The following PON2 variants were observed in gnomAD, a reference collection of about 807,000 sequenced individuals.
PON2 encodes serum paraoxonase/arylesterase 2.
Under a neutral mutation model 36.6 loss-of-function variants are expected in PON2, and 27 were observed. The ratio of observed to expected loss-of-function variants is 0.74; its 90% CI spans 0.54 to 1.02. The LOEUF is 1.02. Ranked by LOEUF, PON2 falls within the 50% of genes least tolerant of loss-of-function variation. PON2 has a pLI of 0.00. For synonymous variants in PON2, 149 were observed against 156.3 expected, an observed-to-expected ratio of 0.95 and a Z score of 0.35; for missense variants, 363 against 421.1, an observed-to-expected ratio of 0.86 and a Z score of 1.21.
chr7:95,425,259 G>C (rs1789289983), intron 1 of PON2, among the ~76,000 whole-genome samples: 1 of 152,148 alleles, frequency 6.6e-6, no homozygotes, highest in Non-Finnish European at 1.5e-5. Context: ...GAATAGGAAG[G>C]TTGGAGAACA....
chr7:95,415,556 T>C (rs988270760), intron 3 of PON2, among the ~76,000 whole-genome samples: 2 of 152,208 alleles, frequency 1.3e-5, no homozygotes, highest in Non-Finnish European at 2.9e-5. Context: ...TCAAGTTGAA[T>C]AGTAATAGAA....
chr7:95,414,305 A>G (rs1789011406), intron 3 of PON2, among the ~76,000 whole-genome samples: 1 of 152,212 alleles, frequency 6.6e-6, no homozygotes, highest in South Asian at 2.1e-4. Context: ...TTTATTTAGA[A>G]GAGAGTACAC....
intron 1 of PON2, among the ~76,000 whole-genome samples, chr7:95,426,904 CT>C (rs1237435566): frequency 6.6e-6 from 1 of 152,156 alleles, no homozygotes; most frequent in Non-Finnish European, 1.5e-5. Flanking sequence ...AAGATAATCT[CT>C]TTGGATTAAA....
intron 1 of PON2, among the ~76,000 whole-genome samples, chr7:95,431,826 T>A (rs1789449297): frequency 6.6e-6 from 1 of 151,242 alleles, no homozygotes; most frequent in South Asian, 2.1e-4. Context: ...TAATTTGAGA[T>A]AAACAATGAA....
At chr7:95,427,857 C>T (rs1457682952) in intron 1 of PON2, among the ~76,000 whole-genome samples, 1 of 152,178 alleles carries the variant, frequency 6.6e-6, no homozygotes, top group Non-Finnish European at 1.5e-5. Context: ...GAAAGCTATA[C>T]AAACCTTTTT....
At position 95,405,115 on chromosome 7, in the gene PON2, T is replaced by C. The variant is rs1809642537; in HGVS notation, c.*215A>G. 1.3e-5 allele frequency: 7 copies of C among 529,704 alleles called. No individual in the cohort carries two copies. The highest frequency in any genetic ancestry group is 3.1e-5 in the Admixed American group (1 of 31,784). 32.8% of individuals were successfully genotyped at this position (529,704 alleles called of 1,614,324 possible). A position where few individuals can be genotyped will look rare whatever the true frequency, so the allele number is the denominator to read the frequency against. On this transcript the variant is annotated 3_prime_UTR_variant, in exon 9 of 9. Transcript: ENST00000222572. ...TCACTTTATTCGAAAGCAGCTTTCT[T>C]TTCTGTCCCTTGCTTGGCATTTTAA...
chr7:95,425,468 C>A (rs1789294910), intron 1 of PON2, among the ~76,000 whole-genome samples: 1 of 152,178 alleles, frequency 6.6e-6, no homozygotes, highest in South Asian at 2.1e-4. Context: ...TTGGCTTTCC[C>A]TTCTCTCTCA....
chr7:95,412,620 A>G lies in PON2; in HGVS notation c.202-143T>C, dbSNP rs575222838. 4.8e-5 allele frequency: 38 copies of G among 794,034 alleles called. No individual in the cohort carries two copies. In the South Asian group the frequency reaches 5.7e-4, roughly 12 times the overall value. 49.2% of individuals were successfully genotyped at this position (794,034 alleles called of 1,614,324 possible). ...CAAAAACTCAAAAAACAGAGAAAAG[A>G]TAACAGAAAAAATAATAACGGGGAG... is the stretch of plus-strand genomic sequence containing the variant. On this transcript the variant is annotated intron_variant, in intron 3 of 8. Coordinates refer to ENST00000222572, the MANE Select transcript of PON2 (RefSeq NM_000305.3).
At chr7:95,430,958 T>C (rs1216709388) in intron 1 of PON2, among the ~76,000 whole-genome samples, 5 of 150,312 alleles carry the variant, frequency 3.3e-5, no homozygotes, top group African/African-American at 1.2e-4. Context: ...ACCACATAGC[T>C]TCTTGTGGGA....
rs570044007 is a variant in PON2 at position 95,409,144 on chromosome 7, C to T, written c.695+757G>A. 2.7e-4 allele frequency among the ~76,000 whole-genome samples: 41 copies of T among 152,212 alleles called. No individual in the cohort carries two copies. The South Asian group carries it at 7.5e-3, about 28-fold the overall frequency. On this transcript the variant is annotated intron_variant, in intron 6 of 8. Coordinates refer to ENST00000222572, the MANE Select transcript of PON2 (RefSeq NM_000305.3). ...CCTGACCAACATGGAGAAACCTCAT[C>T]TCTACTAAAAATACAAAATTAGCCA...
At position 95,412,301 on chromosome 7, in the gene PON2, T is replaced by C. The variant is rs531376133; in HGVS notation, c.367+11A>G. 8.7e-6 allele frequency: 14 copies of C among 1,614,052 alleles called. No homozygotes were observed. In the East Asian group the frequency reaches 1.8e-4, roughly 21 times the overall value. On this transcript the variant is annotated intron_variant, in intron 4 of 8. Coordinates refer to ENST00000222572, the MANE Select transcript of PON2 (RefSeq NM_000305.3). ...CACGTTACTAAATGTTGGTAGCCCATTGGCTCTTACCGTTGTCTATGAAAG... is the reference window on the plus strand; with the variant it reads ...CACGTTACTAAATGTTGGTAGCCCACTGGCTCTTACCGTTGTCTATGAAAG...
chr7:95,426,013 C>T (rs1039694331), intron 1 of PON2, among the ~76,000 whole-genome samples: 1 of 152,064 alleles, frequency 6.6e-6, no homozygotes, highest in Non-Finnish European at 1.5e-5. Context: ...AAACCAAATA[C>T]TGCATGTTCT....
At chr7:95,411,899 T>G in intron 4 of PON2, 120 bp from the exon 5 acceptor site, 5 of 1,020,636 alleles carry the variant, frequency 4.9e-6, no homozygotes, top group Non-Finnish European at 7.5e-6. Context: ...TTAGACGACC[T>G]AACAGATCAT....
intron 6 of PON2, among the ~76,000 whole-genome samples, chr7:95,408,393 A>G (rs1272591789): frequency 2.6e-5 from 4 of 152,204 alleles, no homozygotes; most frequent in Non-Finnish European, 5.9e-5. Flanking sequence ...GGGGTAGAGG[A>G]AGGAGGCACA....
chr7:95,410,848 A>C (rs1257877069), intron 5 of PON2, among the ~76,000 whole-genome samples: 2 of 152,176 alleles, frequency 1.3e-5, no homozygotes, highest in African/African-American at 4.8e-5. Context: ...CATTTTTCTG[A>C]AAGAGCACCA....
chr7:95,412,525 T>A (rs750717596), intron 3 of PON2, 48 bp from the exon 4 acceptor site: 1 of 1,564,826 alleles, frequency 6.4e-7, no homozygotes, highest in Non-Finnish European at 8.8e-7. Context: ...TAAGTATTTT[T>A]ATGGACTAAC....
intron 1 of PON2, among the ~76,000 whole-genome samples, chr7:95,430,110 A>T (rs1459941521): frequency 6.6e-6 from 1 of 152,190 alleles, no homozygotes; most frequent in Non-Finnish European, 1.5e-5. Flanking sequence ...AGACTGGATG[A>T]AGGCATAAAA....
intron 2 of PON2, among the ~76,000 whole-genome samples, chr7:95,416,991 A>T (rs564619988): frequency 7.2e-5 from 11 of 152,342 alleles, no homozygotes; most frequent in Admixed American, 7.2e-4. Context: ...AGCACAGCAA[A>T]TAATTAGACA....
chr7:95,419,985 T>C (rs1789156532), intron 2 of PON2, among the ~76,000 whole-genome samples: 1 of 152,200 alleles, frequency 6.6e-6, no homozygotes, highest in Non-Finnish European at 1.5e-5. Context: ...ACATATTATT[T>C]CCTACTTTTC....
Sources: gnomAD v4.1 joint callset for allele counts (sites outside exome capture counted in the v4.1 genomes callset) on GRCh38, gnomAD v4.1.1 for gene constraint, MANE v1.5 for transcripts, NCBI Gene and HGNC (gene_info 2026-07-23, HGNC 2026-07-21) for gene names.